The following ATP6V1H variants were observed in gnomAD, a reference collection of about 807,000 sequenced individuals.
ATP6V1H encodes the protein V-type proton ATPase subunit H.
Under a neutral mutation model 71.7 loss-of-function variants are expected in ATP6V1H, and 39 were observed. That is an observed-to-expected ratio of 0.54 (90% CI 0.42 to 0.71). The LOEUF is 0.71. ATP6V1H is among the 30% of genes least tolerant of loss of function. ATP6V1H has a pLI of 0.00. For missense variants in ATP6V1H, 509 were observed against 594.9 expected (o/e 0.86, Z 1.50); for synonymous variants, 192 against 199.3 (o/e 0.96, Z 0.31).
intron 11 of ATP6V1H, among the ~76,000 whole-genome samples, chr8:53,761,454 A>G (rs1484316330): frequency 2.0e-5 from 3 of 152,166 alleles, no homozygotes; most frequent in Non-Finnish European, 4.4e-5. Flanking sequence ...AAAACCTAAC[A>G]CCAGAAAATA....
chr8:53,769,496 A>T, intron 11 of ATP6V1H, 122 bp downstream of exon 11: 1 of 983,726 alleles, frequency 1.0e-6, no homozygotes, highest in Non-Finnish European at 1.5e-6. Context: ...CAACCACATT[A>T]GTCAGCAAGA....
At chr8:53,804,859 G>C (rs541621775) in intron 7 of ATP6V1H, among the ~76,000 whole-genome samples, 1 of 152,170 alleles carries the variant, frequency 6.6e-6, no homozygotes, top group Admixed American at 6.5e-5. Flanking sequence ...ACACATTTAA[G>C]AGAATGTCAT....
chr8:53,760,090 A>G (rs1808217170), intron 11 of ATP6V1H, among the ~76,000 whole-genome samples: 1 of 152,228 alleles, frequency 6.6e-6, no homozygotes, highest in African/African-American at 2.4e-5. Flanking sequence ...TGCCACTCTA[A>G]GATAATAATT....
intron 4 of ATP6V1H, among the ~76,000 whole-genome samples, chr8:53,822,869 C>T (rs1426700996): frequency 1.3e-5 from 2 of 151,754 alleles, no homozygotes; most frequent in Non-Finnish European, 2.9e-5. Flanking sequence ...ATAATTTAAG[C>T]CAAAATGTAT....
At chr8:53,818,703 A>C (rs1259667223) in intron 4 of ATP6V1H, among the ~76,000 whole-genome samples, 1 of 152,214 alleles carries the variant, frequency 6.6e-6, no homozygotes, top group Non-Finnish European at 1.5e-5. Context: ...AAAGAAAACA[A>C]TTTAATCCTC....
intron 8 of ATP6V1H, among the ~76,000 whole-genome samples, chr8:53,800,756 G>A (rs1250882296): frequency 1.3e-5 from 2 of 152,058 alleles, no homozygotes; most frequent in Admixed American, 1.3e-4. Context: ...TTTACAAAAA[G>A]GTTTGCTATA....
intron 13 of ATP6V1H, among the ~76,000 whole-genome samples, chr8:53,735,355 G>C (rs938956645): frequency 1.3e-5 from 2 of 152,156 alleles, no homozygotes; most frequent in Non-Finnish European, 2.9e-5. Flanking sequence ...GTCTGTAGCT[G>C]ACTTGGTACA....
intron 13 of ATP6V1H, among the ~76,000 whole-genome samples, chr8:53,733,972 T>C (rs1038493475): frequency 2.0e-5 from 3 of 152,158 alleles, no homozygotes; most frequent in Non-Finnish European, 4.4e-5. Flanking sequence ...TCTAAACAAC[T>C]AGACGGGGTT....
chr8:53,820,012 C>T (rs1810595963), intron 4 of ATP6V1H, among the ~76,000 whole-genome samples: 1 of 151,710 alleles, frequency 6.6e-6, no homozygotes, highest in African/African-American at 2.4e-5. Flanking sequence ...TGTAATTAAC[C>T]ATAATAAAAG....
At chr8:53,719,443 A>G (rs1462540427) in intron 13 of ATP6V1H, among the ~76,000 whole-genome samples, 5 of 152,204 alleles carry the variant, frequency 3.3e-5, no homozygotes, top group Non-Finnish European at 5.9e-5. Flanking sequence ...TGCTAGGATC[A>G]CTGCACCTGG....
intron 12 of ATP6V1H, among the ~76,000 whole-genome samples, chr8:53,751,498 G>A (rs1807796317): frequency 6.6e-6 from 1 of 152,166 alleles, no homozygotes; most frequent in Non-Finnish European, 1.5e-5. Flanking sequence ...GGAATAGGGA[G>A]TATAAAACTG....
rs1223593027 is a variant in ATP6V1H at position 53,841,597 on chromosome 8, T to C, written c.94A>G (p.Asn32Asp). ...ACTTACTGAAGATAGGATTGCCAGT[T>C]GACTTTGTTTGCACGAACTTCTGCA... ...KAAEVRANKV[N>D]WQSYLQGQMI... The change falls in exon 2 of 14, where the codon AAC becomes GAC. Residue 32 changes from asparagine to aspartate, a missense_variant. Asn to Asp is a conservative substitution (Grantham distance 23). This residue lies in a region of ATP6V1H where 297 missense variants were observed against 303.3 expected (regional missense o/e 0.98). Coordinates refer to ENST00000359530, the MANE Select transcript of ATP6V1H (RefSeq NM_015941.4). 2 of 1,614,150 alleles carry C rather than the reference T, an allele frequency of 1.2e-6. No homozygotes were observed. The highest frequency in any genetic ancestry group is 1.7e-6 in the Non-Finnish European group (2 of 1,179,978).
At chr8:53,823,003 T>C (rs1278965091) in intron 4 of ATP6V1H, among the ~76,000 whole-genome samples, 2 of 151,798 alleles carry the variant, frequency 1.3e-5, no homozygotes, top group African/African-American at 2.4e-5. Context: ...ACAAAAGATA[T>C]TAGAAAAGTA....
intron 9 of ATP6V1H, among the ~76,000 whole-genome samples, chr8:53,784,110 C>G (rs1809275701): frequency 6.6e-6 from 1 of 152,094 alleles, no homozygotes; most frequent in South Asian, 2.1e-4. Flanking sequence ...AACTTTCTGT[C>G]TAGTAGATCT....
At chr8:53,759,549 G>C (rs1267583752) in intron 11 of ATP6V1H, among the ~76,000 whole-genome samples, 1 of 152,174 alleles carries the variant, frequency 6.6e-6, no homozygotes, top group African/African-American at 2.4e-5. Flanking sequence ...TCTGTAGTTA[G>C]ACCAAATGTG....
rs765717621 is a variant in ATP6V1H at position 53,811,232 on chromosome 8, A to G, written c.526-15T>C. ...CCACGCAGTTTCTATTACGAAATAA[A>G]TAACTCATTATTTAGTTTTGTTTTG... On this transcript the variant is annotated splice_polypyrimidine_tract_variant and intron_variant, in intron 6 of 13. Coordinates refer to ENST00000359530, the MANE Select transcript of ATP6V1H (RefSeq NM_015941.4). 6 of 1,609,786 alleles carry G rather than the reference A, an allele frequency of 3.7e-6. No individual in the cohort carries two copies. The highest frequency in any genetic ancestry group is 4.3e-6 in the Non-Finnish European group (5 of 1,176,432).
At position 53,785,041 on chromosome 8, in the gene ATP6V1H, T is replaced by A. The variant is rs564761267; in HGVS notation, c.870+10606A>T. 3.9e-5 allele frequency among the ~76,000 whole-genome samples: 6 copies of A among 152,272 alleles called. No homozygotes were observed. In the South Asian group the frequency reaches 1.2e-3, roughly 32 times the overall value. The stretch of plus-strand genomic sequence containing the variant: ...TTGGAGTTGCTCTTCTCGAGGAGTA[T>A]CCTTGTGGCGTTCTCTGTATTTCCT... On this transcript the variant is annotated intron_variant, in intron 9 of 13. Transcript: ENST00000359530.
chr8:53,752,951 A>T (rs2130235074), intron 12 of ATP6V1H, among the ~76,000 whole-genome samples: 1 of 152,160 alleles, frequency 6.6e-6, no homozygotes, highest in African/African-American at 2.4e-5. Flanking sequence ...GTAATTTAAA[A>T]TGTTTGAGTA....
intron 2 of ATP6V1H, chr8:53,839,806 C>T (rs764396519): frequency 2.6e-4 from 257 of 985,312 alleles, no homozygotes; most frequent in Admixed American, 3.1e-4. Context: ...GTTTTACATG[C>T]TAACTTCATA....
Sources: gnomAD v4.1 joint callset for allele counts (sites outside exome capture counted in the v4.1 genomes callset) on GRCh38, gnomAD v4.1.1 for gene constraint, gnomAD v4.1.1 regional missense constraint, MANE v1.5 for transcripts, NCBI Gene and HGNC (gene_info 2026-07-23, HGNC 2026-07-21) for gene names.